The following TSPAN7 variants were observed in gnomAD, a reference collection of about 807,000 sequenced individuals.
TSPAN7 encodes the protein tetraspanin 7, also known as tetraspanin-7.
TSPAN7 carries 1 observed loss-of-function variant against 17.6 expected under a neutral mutation model. That is an observed-to-expected ratio of 0.06 (90% CI 0.02 to 0.27). The LOEUF is 0.27. Ranked by LOEUF, TSPAN7 falls within the 10% of genes least tolerant of loss-of-function variation. The probability of loss-of-function intolerance (pLI) is 1.00; values close to 1 mark genes in which losing one functional copy is unlikely to be tolerated. For synonymous variants in TSPAN7, 78 were observed against 79.0 expected, an observed-to-expected ratio of 0.99 and a Z score of 0.07; for missense variants, 112 against 201.7, an observed-to-expected ratio of 0.56 and a Z score of 2.69.
chrX:38,658,758 A>T (rs1252472294), intron 1 of TSPAN7, among the ~76,000 whole-genome samples: 2 of 110,683 alleles, frequency 1.8e-5, no homozygotes, highest in African/African-American at 6.6e-5. Flanking sequence ...CTTACTCCTA[A>T]ATTCAAGCCC....
intron 1 of TSPAN7, among the ~76,000 whole-genome samples, chrX:38,589,279 G>A (rs1164991076): frequency 9.0e-6 from 1 of 111,668 alleles, no homozygotes; most frequent in African/African-American, 3.3e-5. Context: ...GAATTTTCTC[G>A]TGTCTTTAAA....
chrX:38,653,351 C>A (rs1314982469), intron 1 of TSPAN7, among the ~76,000 whole-genome samples: 1 of 111,421 alleles, frequency 9.0e-6, no homozygotes, highest in African/African-American at 3.3e-5. Context: ...TATCTCGTGA[C>A]TCAGCCCATC....
At chrX:38,563,007 T>A in intron 1 of TSPAN7, 1 of 971,238 alleles carries the variant, frequency 1.0e-6, no homozygotes, top group Non-Finnish European at 1.3e-6. Context: ...GTACCGAGAA[T>A]CAGCTAGATG....
At chrX:38,677,479 C>T (rs1193266518) in intron 5 of TSPAN7, among the ~76,000 whole-genome samples, 1 of 111,787 alleles carries the variant, frequency 8.9e-6, no homozygotes, top group Non-Finnish European at 1.9e-5. Flanking sequence ...AGTTTGGAGA[C>T]GTATCTTATA....
At chrX:38,646,367 T>C in intron 1 of TSPAN7, 1 of 1,053,965 alleles carries the variant, frequency 9.5e-7, no homozygotes, top group South Asian at 2.3e-5. Flanking sequence ...TGTGTAGCTG[T>C]GGGATTTTGT....
intron 1 of TSPAN7, among the ~76,000 whole-genome samples, chrX:38,599,027 A>G (rs906037066): frequency 2.7e-5 from 3 of 111,906 alleles, no homozygotes; most frequent in African/African-American, 9.7e-5. Flanking sequence ...AGTATACAGC[A>G]GTAGAAATGA....
chrX:38,653,754 TG>T (rs1164671233), intron 1 of TSPAN7, among the ~76,000 whole-genome samples: 1 of 112,341 alleles, frequency 8.9e-6, no homozygotes, highest in Non-Finnish European at 1.9e-5. Context: ...AGGGGAATAA[TG>T]CATAGCCTTT....
rs752134715 is a variant in TSPAN7 at position 38,646,146 on chromosome X, T to TAA, written c.82-19966_82-19965dup. 3,044 of 568,746 alleles carry TAA rather than the reference T, an allele frequency of 5.4e-3. 64 individuals carry two copies. The African/African-American group carries it at 0.065, about 12-fold the overall frequency. The allele number at this position is 568,746 out of a possible 1,213,427, so 46.9% of individuals were successfully genotyped here. A position where few individuals can be genotyped will look rare whatever the true frequency, so the allele number is the denominator to read the frequency against. On this transcript the variant is annotated intron_variant, in intron 1 of 7. Transcript: ENST00000378482. The stretch of plus-strand genomic sequence containing the variant: ...CTAGTAATAGTTGGTGTACTTTCTA[T>TAA]AAAAAAAAAACCTGTAAATACATTA...
intron 1 of TSPAN7, among the ~76,000 whole-genome samples, chrX:38,651,000 G>A (rs1020863910): frequency 1.9e-5 from 2 of 107,538 alleles, no homozygotes; most frequent in Admixed American, 1.0e-4. Context: ...AGAGCTATTT[G>A]CAAACAAAGC....
At chrX:38,561,655 G>A in intron 1 of TSPAN7, 28 bp downstream of exon 1, 2 of 1,148,034 alleles carry the variant, frequency 1.7e-6, no homozygotes, top group Non-Finnish European at 1.2e-6. Flanking sequence ...GCCGGTGGCC[G>A]AGTCGCTGTC....
intron 1 of TSPAN7, among the ~76,000 whole-genome samples, chrX:38,661,103 A>G (rs1217023645): frequency 8.9e-6 from 1 of 111,857 alleles, no homozygotes; most frequent in Non-Finnish European, 1.9e-5. Flanking sequence ...CACCTCTCTG[A>G]AGATCAGGAT....
chrX:38,656,816 C>T (rs968311185), intron 1 of TSPAN7, among the ~76,000 whole-genome samples: 1 of 111,873 alleles, frequency 8.9e-6, no homozygotes, highest in African/African-American at 3.3e-5. Context: ...TGAAATAAGA[C>T]CTTCACTATT....
chrX:38,671,986 T>C (rs2147452838), intron 3 of TSPAN7, among the ~76,000 whole-genome samples: 1 of 111,552 alleles, frequency 9.0e-6, no homozygotes, highest in South Asian at 3.8e-4. Flanking sequence ...AGGTCGAGGC[T>C]GCAGTGAGCT....
chrX:38,562,895 C>A (rs928502264), intron 1 of TSPAN7: 1 of 769,525 alleles, frequency 1.3e-6, no homozygotes, highest in African/African-American at 2.3e-5. Context: ...GCCAGTTCAA[C>A]CTTTGCTTGT....
intron 1 of TSPAN7, among the ~76,000 whole-genome samples, chrX:38,608,868 T>A (rs1243794746): frequency 8.9e-6 from 1 of 111,953 alleles, no homozygotes; most frequent in Non-Finnish European, 1.9e-5. Flanking sequence ...GATAACATTA[T>A]CGCAGATATT....
chrX:38,579,873 TCTC>T (rs1403109488), intron 1 of TSPAN7, among the ~76,000 whole-genome samples: 1 of 111,618 alleles, frequency 9.0e-6, no homozygotes, highest in Non-Finnish European at 1.9e-5. Flanking sequence ...TGCCCCTACA[TCTC>T]CTCCTCTCTG....
chrX:38,636,897 C>A (rs187283204), intron 1 of TSPAN7, among the ~76,000 whole-genome samples: 2 of 111,316 alleles, frequency 1.8e-5, no homozygotes, highest in Admixed American at 1.9e-4. Flanking sequence ...TCAGGTGATC[C>A]GCCAGCCGTG....
At chrX:38,660,904 T>C (rs1226650786) in intron 1 of TSPAN7, among the ~76,000 whole-genome samples, 1 of 112,104 alleles carries the variant, frequency 8.9e-6, no homozygotes, top group Non-Finnish European at 1.9e-5. Context: ...TATATTCACA[T>C]AGAAGGTGGG....
At chrX:38,664,030 C>G (rs1339057809) in intron 1 of TSPAN7, among the ~76,000 whole-genome samples, 2 of 112,390 alleles carry the variant, frequency 1.8e-5, no homozygotes, top group Admixed American at 1.9e-4. Flanking sequence ...ACTAGCTTAA[C>G]TGAATTTTTG....
Sources: gnomAD v4.1 joint callset for allele counts (sites outside exome capture counted in the v4.1 genomes callset) on GRCh38, gnomAD v4.1.1 for gene constraint, MANE v1.5 for transcripts, NCBI Gene and HGNC (gene_info 2026-07-23, HGNC 2026-07-21) for gene names.